SYT14: variants seen among roughly 807,000 people sequenced by gnomAD.
The protein encoded by SYT14 is synaptotagmin 14.
In SYT14, 32 loss-of-function variants were observed where a neutral mutation model predicts 74.2. The observed-to-expected ratio is 0.43, with a 90% confidence interval of 0.33 to 0.58. The LOEUF is 0.58. SYT14 is among the 20% of genes least tolerant of loss of function. The pLI, the probability that SYT14 is intolerant of heterozygous loss-of-function variation, is 0.05. For synonymous variants in SYT14, 298 were observed against 337.7 expected, an observed-to-expected ratio of 0.88 and a Z score of 1.29; for missense variants, 791 against 981.8, an observed-to-expected ratio of 0.81 and a Z score of 2.60.
exon 10 of SYT14, chr1:210,171,241 A>G (rs1012762401): frequency 3.9e-5 from 6 of 152,196 alleles, no homozygotes; most frequent in South Asian, 4.1e-4. Context: ...AACAAGTACT[A>G]TTTTGCATAT....
At chr1:209,976,553 A>C (rs562930251) in intron 2 of SYT14, among the ~76,000 whole-genome samples, 271 of 151,754 alleles carry the variant, frequency 1.8e-3, no homozygotes, top group African/African-American at 6.1e-3. Flanking sequence ...GTTTGATTGC[A>C]CTGTGGTCTG....
chr1:210,156,796 G>C, intron 8 of SYT14: 1 of 221,684 alleles, frequency 4.5e-6, no homozygotes, highest in Non-Finnish European at 1.0e-5. Flanking sequence ...AGGTTCAAGT[G>C]ATCCTCCTGC....
At chr1:209,976,165 C>A (rs1465294712) in intron 2 of SYT14, among the ~76,000 whole-genome samples, 1 of 152,138 alleles carries the variant, frequency 6.6e-6, no homozygotes, top group Non-Finnish European at 1.5e-5. Flanking sequence ...CTCCTGGATT[C>A]ATTGATTTTT....
chr1:209,994,256 A>T (rs1411649022), intron 2 of SYT14, among the ~76,000 whole-genome samples: 1 of 152,200 alleles, frequency 6.6e-6, no homozygotes, highest in African/African-American at 2.4e-5. Context: ...CAGTAAGATG[A>T]TCAAGGAGCT....
chr1:210,131,530 ATTTT>A (rs1417687804), intron 7 of SYT14, among the ~76,000 whole-genome samples: 2 of 151,314 alleles, frequency 1.3e-5, no homozygotes, highest in African/African-American at 4.9e-5. Context: ...TTATCCTTCT[ATTTT>A]TTATCATTAT....
intron 5 of SYT14, among the ~76,000 whole-genome samples, chr1:210,033,834 A>G (rs1481793327): frequency 6.6e-6 from 1 of 151,866 alleles, no homozygotes; most frequent in Non-Finnish European, 1.5e-5. Flanking sequence ...TTCTTTAAGT[A>G]TAAATTTAAT....
At chr1:210,099,135 A>G (rs958183378) in intron 6 of SYT14, among the ~76,000 whole-genome samples, 1 of 152,202 alleles carries the variant, frequency 6.6e-6, no homozygotes, top group Non-Finnish European at 1.5e-5. Flanking sequence ...TTTAAGATTT[A>G]TTAAAATACT....
rs372316099 is a variant in SYT14, at chr1:210,038,836, A to G, written c.1312+17582A>G. 2.6e-5 allele frequency among the ~76,000 whole-genome samples: 4 copies of G among 152,166 alleles called. No individual in the cohort carries two copies. The East Asian group carries it at 5.8e-4, about 22-fold the overall frequency. ...GGTGTTTAGATGCTATTTTCCTCCCAACACTAGGATTTTTTCCTTCATATT... is the reference window on the plus strand; with the variant it reads ...GGTGTTTAGATGCTATTTTCCTCCCGACACTAGGATTTTTTCCTTCATATT... On this transcript the variant is annotated intron_variant, in intron 5 of 9. Coordinates refer to ENST00000637265, the Ensembl canonical transcript of SYT14.
intron 5 of SYT14, among the ~76,000 whole-genome samples, chr1:210,044,910 T>C (rs894398334): frequency 6.6e-6 from 1 of 152,136 alleles, no homozygotes; most frequent in Admixed American, 6.6e-5. Context: ...TTGGCAGGGA[T>C]GTCCCAGACT....
chr1:210,156,262 G>A (rs1375907300), intron 8 of SYT14, among the ~76,000 whole-genome samples: 4 of 152,142 alleles, frequency 2.6e-5, no homozygotes, highest in Non-Finnish European at 4.4e-5. Flanking sequence ...GTTAACTGAA[G>A]AGTAATGTGT....
intron 2 of SYT14, among the ~76,000 whole-genome samples, chr1:210,001,253 A>G (rs893222614): frequency 4.6e-5 from 7 of 150,792 alleles, no homozygotes; most frequent in Admixed American, 4.6e-4. Flanking sequence ...AAATTTGCTA[A>G]TTTTTTTTTA....
intron 5 of SYT14, among the ~76,000 whole-genome samples, chr1:210,044,993 G>A (rs2080859077): frequency 6.6e-6 from 1 of 152,026 alleles, no homozygotes; most frequent in Non-Finnish European, 1.5e-5. Flanking sequence ...CTTGCATCAG[G>A]CCCCACCTTC....
At chr1:209,953,988 T>C (rs1354500156) in intron 2 of SYT14, among the ~76,000 whole-genome samples, 5 of 152,232 alleles carry the variant, frequency 3.3e-5, no homozygotes, top group South Asian at 2.1e-4. Flanking sequence ...CATTTGTAGT[T>C]TTCTGCTGTA....
intron 2 of SYT14, among the ~76,000 whole-genome samples, chr1:209,996,409 A>G (rs922693511): frequency 1.3e-5 from 2 of 152,114 alleles, no homozygotes; most frequent in Non-Finnish European, 2.9e-5. Flanking sequence ...TAAGAAAGAG[A>G]TTGAAATCCT....
At chr1:210,093,195 C>A (rs1277439578) in intron 5 of SYT14, among the ~76,000 whole-genome samples, 1 of 151,416 alleles carries the variant, frequency 6.6e-6, no homozygotes, top group Non-Finnish European at 1.5e-5. Context: ...TTCATTTGAA[C>A]CAAGCATTTT....
intron 1 of SYT14, among the ~76,000 whole-genome samples, chr1:209,945,294 G>T (rs1282683974): frequency 6.6e-6 from 1 of 152,128 alleles, no homozygotes; most frequent in Non-Finnish European, 1.5e-5. Context: ...ACTAGGTGAC[G>T]CTGAGTTTAG....
intron 5 of SYT14, among the ~76,000 whole-genome samples, chr1:210,060,299 T>G (rs1257453769): frequency 6.6e-6 from 1 of 152,168 alleles, no homozygotes; most frequent in Non-Finnish European, 1.5e-5. Context: ...CTTCTCACAT[T>G]TTGAGTTCCT....
chr1:210,047,517 C>T (rs1018351939), intron 5 of SYT14, among the ~76,000 whole-genome samples: 2 of 152,130 alleles, frequency 1.3e-5, no homozygotes, highest in African/African-American at 4.8e-5. Flanking sequence ...CCTGCCTCAG[C>T]CTCCCGAGTA....
chr1:210,018,217 T>C, intron 4 of SYT14, among the ~76,000 whole-genome samples: 1 of 152,222 alleles, frequency 6.6e-6, no homozygotes, highest in East Asian at 1.9e-4. Context: ...CACTGCCATC[T>C]CTGCCTCCCG....
Sources: allele counts gnomAD v4.1 joint callset (sites outside exome capture counted in the v4.1 genomes callset), GRCh38; gene constraint gnomAD v4.1.1; transcripts MANE v1.5; gene names NCBI Gene and HGNC (gene_info 2026-07-23, HGNC 2026-07-21).